CEP295: variants seen among roughly 807,000 people sequenced by gnomAD.
The protein encoded by CEP295 is centrosomal protein of 295 kDa.
In CEP295, 190 loss-of-function variants were observed where a neutral mutation model predicts 291.6. The observed-to-expected ratio is 0.65, with a 90% CI of 0.58 to 0.73. CEP295 has a LOEUF of 0.73. Among genes scored for constraint, CEP295 ranks in the 30% least tolerant of loss-of-function variants. The probability of loss-of-function intolerance (pLI) is 0.00; values close to 1 mark genes in which losing one functional copy is unlikely to be tolerated. For missense variants in CEP295, 2,863 were observed against 2,949.4 expected (o/e 0.97, Z 0.68); for synonymous variants, 993 against 1,038.8 (o/e 0.96, Z 0.85).
chr11:93,669,884 T>C (rs928088843), intron 5 of CEP295, 114 bp downstream of exon 5: 4 of 646,062 alleles, frequency 6.2e-6, no homozygotes, highest in Non-Finnish European at 1.1e-5. Context: ...CTTGTACAAT[T>C]AAAAACTTGT....
At chr11:93,711,776 G>T (rs1294824309) in intron 18 of CEP295, among the ~76,000 whole-genome samples, 1 of 151,752 alleles carries the variant, frequency 6.6e-6, no homozygotes, top group African/African-American at 2.4e-5. Context: ...CTCCCAAAGT[G>T]CTGGGATTAC....
At chr11:93,719,582 T>C (rs1953544074) in intron 18 of CEP295, 1 of 152,082 alleles carries the variant, frequency 6.6e-6, no homozygotes, top group Non-Finnish European at 1.5e-5. Context: ...GTTTACTAGG[T>C]CTACATTTGA....
intron 25 of CEP295, 99 bp from the exon 26 acceptor site, chr11:93,729,335 G>A: frequency 2.6e-6 from 2 of 778,030 alleles, no homozygotes; most frequent in South Asian, 1.6e-5. Context: ...TGAGGCTGCA[G>A]TGAGGTGTGA....
intron 21 of CEP295, chr11:93,723,655 A>T: frequency 6.0e-6 from 1 of 168,000 alleles, no homozygotes; most frequent in Non-Finnish European, 1.3e-5. Flanking sequence ...GTTACTTTTT[A>T]ATCTTTTATA....
intron 18 of CEP295, among the ~76,000 whole-genome samples, chr11:93,712,363 C>T (rs562367134): frequency 6.6e-6 from 1 of 152,138 alleles, no homozygotes; most frequent in Non-Finnish European, 1.5e-5. Context: ...AAGTGATTCT[C>T]CTGCTTCAGC....
At chr11:93,725,200 T>C (rs988639603) in intron 22 of CEP295, among the ~76,000 whole-genome samples, 2 of 151,786 alleles carry the variant, frequency 1.3e-5, no homozygotes, top group African/African-American at 4.8e-5. Context: ...TGAGCCGAGA[T>C]CGTGCCACTG....
intron 7 of CEP295, among the ~76,000 whole-genome samples, chr11:93,681,472 A>G (rs7942448): frequency 0.92 from 126,420 of 136,786 alleles, 59,029 homozygotes; most frequent in East Asian, 0.99. Flanking sequence ...CGGGAGTGCA[A>G]TGGCGTGATC....
rs569038960 is a variant in CEP295, at chr11:93,693,218, A to G, written c.1533+1188A>G. 3.0e-4 allele frequency among the ~76,000 whole-genome samples: 46 copies of G among 152,066 alleles called. 1 individual carries two copies. The South Asian group carries it at 9.3e-3, about 31-fold the overall frequency. The stretch of plus-strand genomic sequence containing the variant: ...TGTGAACCCGGGAGACAGAGCTTGC[A>G]GTGAGCCGAGATTGCGCCACTGCAC... On this transcript the variant is annotated intron_variant, in intron 12 of 29. Coordinates refer to ENST00000325212, the MANE Select transcript of CEP295 (RefSeq NM_033395.2).
rs568039435 is a variant in CEP295, at chr11:93,726,170, G to T, written c.6499+339G>T. On this transcript the variant is annotated intron_variant, in intron 23 of 29. Transcript: ENST00000325212. ...TTGAAGACTGAGTTTCACTCTTGTT[G>T]CCCAGGCTGGAGTGCAGTGGTGCAA... Among the ~76,000 whole-genome samples the T allele has an allele frequency of 5.9e-5, 9 of 151,822 alleles. No homozygotes were observed. The South Asian group carries it at 1.0e-3, about 18-fold the overall frequency.
At chr11:93,688,421 A>T (rs755510194) in intron 10 of CEP295, among the ~76,000 whole-genome samples, 54 of 152,316 alleles carry the variant, frequency 3.5e-4, no homozygotes, top group Non-Finnish European at 6.2e-4. Context: ...GGATGATTTT[A>T]AAAATGTGAT....
At chr11:93,721,192 C>A in intron 18 of CEP295, 120 bp from the exon 19 acceptor site, 1 of 638,996 alleles carries the variant, frequency 1.6e-6, no homozygotes, top group South Asian at 2.0e-5. Flanking sequence ...CTTTAAGAAG[C>A]AAAATGAGAA....
chr11:93,724,013 TA>T, intron 21 of CEP295: 1 of 253,108 alleles, frequency 4.0e-6, no homozygotes, highest in African/African-American at 2.2e-5. Context: ...AAATAAAACT[TA>T]AAAAGTTTTG....
chr11:93,689,669 T>G (rs1446969460), intron 10 of CEP295, among the ~76,000 whole-genome samples: 3 of 151,946 alleles, frequency 2.0e-5, no homozygotes, highest in African/African-American at 7.3e-5. Flanking sequence ...CCCCCATAGC[T>G]CTTATCAATA....
rs1170029117 is a variant in CEP295, at chr11:93,699,007, C to T, written c.4095C>T (p.Ile1365=). ...AGTTAGCTACACAGAGAGAAGCCAT[C>T]ATTCTAGCTAGACAAGAAGCTCGGG... ...QEQLATQREA[I]ILARQEAREE... is the part of the protein sequence containing the mutation. Residue 1365 remains isoleucine (I), a synonymous_variant, in exon 15 of 30, where the codon ATC becomes ATT. Transcript: ENST00000325212. 3.9e-6 allele frequency: 6 copies of T among 1,548,490 alleles called. No individual in the cohort carries two copies. The highest frequency in any genetic ancestry group is 5.2e-6 in the Non-Finnish European group (6 of 1,147,024).
At chr11:93,722,802 G>C (rs983716869) in intron 20 of CEP295, 2 of 351,442 alleles carry the variant, frequency 5.7e-6, no homozygotes, top group African/African-American at 4.2e-5. Context: ...TCTGTTGCCA[G>C]GCTGGAGTGC....
At chr11:93,675,518 C>G in intron 5 of CEP295, 53 bp from the exon 6 acceptor site, 2 of 972,802 alleles carry the variant, frequency 2.1e-6, no homozygotes, top group Non-Finnish European at 3.0e-6. Flanking sequence ...TTGGATTCAG[C>G]TTTAAGTGAA....
chr11:93,680,277 G>C (rs573634000), intron 7 of CEP295, among the ~76,000 whole-genome samples: 340 of 152,174 alleles, frequency 2.2e-3, no homozygotes, highest in Non-Finnish European at 4.3e-3. Flanking sequence ...GCGAGACCCT[G>C]TCTCAAAAAA....
chr11:93,671,140 C>T (rs953170546), intron 5 of CEP295, among the ~76,000 whole-genome samples: 26 of 152,152 alleles, frequency 1.7e-4, no homozygotes, highest in African/African-American at 5.3e-4. Flanking sequence ...ACCTCTGCCT[C>T]CCAAAGTGCT....
At chr11:93,703,829 C>T (rs998984787) in intron 17 of CEP295, among the ~76,000 whole-genome samples, 10 of 143,980 alleles carry the variant, frequency 6.9e-5, no homozygotes, top group Non-Finnish European at 4.5e-5. Context: ...AGTGCAGTGG[C>T]GCAATCTCGG....
Sources: gnomAD v4.1 joint callset for allele counts (sites outside exome capture counted in the v4.1 genomes callset) on GRCh38, gnomAD v4.1.1 for gene constraint, MANE v1.5 for transcripts, NCBI Gene and HGNC (gene_info 2026-07-23, HGNC 2026-07-21) for gene names.